The following VAV2 variants were observed in gnomAD, a reference collection of about 807,000 sequenced individuals.
VAV2 encodes the protein guanine nucleotide exchange factor VAV2.
Under a neutral mutation model 132.5 loss-of-function variants are expected in VAV2, and 67 were observed. That is an observed-to-expected ratio of 0.51 (90% CI 0.42 to 0.62). VAV2 has a LOEUF of 0.62. Ranked by LOEUF, VAV2 falls within the 20% of genes least tolerant of loss-of-function variation. The probability of loss-of-function intolerance (pLI) is 0.00; values close to 1 mark genes in which losing one functional copy is unlikely to be tolerated. For synonymous variants in VAV2, 492 were observed against 443.5 expected (o/e 1.11, Z -1.37); for missense variants, 938 against 1,153.6 (o/e 0.81, Z 2.71).
At chr9:133,890,648 G>A (rs1297815770) in intron 2 of VAV2, among the ~76,000 whole-genome samples, 2 of 152,092 alleles carry the variant, frequency 1.3e-5, no homozygotes, top group African/African-American at 2.4e-5. Context: ...CCAGAACCAC[G>A]CTCTGGACAC....
intron 6 of VAV2, 99 bp downstream of exon 6, chr9:133,810,092 A>C: frequency 2.0e-6 from 3 of 1,524,310 alleles, no homozygotes; most frequent in Non-Finnish European, 1.8e-6. Flanking sequence ...TCCTGGGGGC[A>C]GGGTCCCGAG....
intron 1 of VAV2, among the ~76,000 whole-genome samples, chr9:133,967,113 G>C (rs114573762): frequency 0.013 from 1,914 of 148,516 alleles, 33 homozygotes; most frequent in African/African-American, 0.044. Context: ...CTGTTATTAA[G>C]ACATTTCTCA....
chr9:133,777,388 C>T lies in VAV2; in HGVS notation c.1965+1G>A, dbSNP rs1157372678. ...AGAAGCTTCTGTGGGAAAGGACTCACCCTTCCATCCACAGGGCAGGGCTTC... is the reference window on the plus strand; with the variant it reads ...AGAAGCTTCTGTGGGAAAGGACTCATCCTTCCATCCACAGGGCAGGGCTTC... On this transcript the variant is annotated splice_donor_variant, in intron 23 of 29. Transcript: ENST00000371850. LOFTEE classifies it high-confidence loss of function. 1 of 1,613,710 alleles carries T rather than the reference C, an allele frequency of 6.2e-7. No individual in the cohort carries two copies. Among genetic ancestry groups the T allele is most frequent in the South Asian group, 1.1e-5 (1 of 91,066 alleles).
rs1307668621 is a variant in VAV2, at chr9:133,935,211, C to G, written c.321+3892G>C. Reference sequence around the variant, plus strand: ...CCGAGCTCATTTGGAATGGCCAGGGCGTCCCAACTGGGCTGAGCTCATGAA... The same window carrying G: ...CCGAGCTCATTTGGAATGGCCAGGGGGTCCCAACTGGGCTGAGCTCATGAA... On this transcript the variant is annotated intron_variant, in intron 2 of 29. Transcript: ENST00000371850. The surrounding 1 kb of genome is among the most constrained non-coding windows in gnomAD (Gnocchi z 5.2). Among the ~76,000 whole-genome samples the G allele has an allele frequency of 1.3e-5, 2 of 152,172 alleles. No individual in the cohort carries two copies. The highest frequency in any genetic ancestry group is 3.8e-4 in the East Asian group (2 of 5,198).
At chr9:133,950,727 G>A (rs970225545) in intron 1 of VAV2, among the ~76,000 whole-genome samples, 5 of 152,118 alleles carry the variant, frequency 3.3e-5, no homozygotes, top group African/African-American at 1.2e-4. Context: ...TCGGCCCTCC[G>A]GGTTGCTCTC....
intron 4 of VAV2, among the ~76,000 whole-genome samples, chr9:133,831,488 C>T (rs1289749182): frequency 6.6e-6 from 1 of 152,044 alleles, no homozygotes; most frequent in Non-Finnish European, 1.5e-5. Flanking sequence ...TGGGATCTAG[C>T]CTGACTCTCC....
intron 1 of VAV2, among the ~76,000 whole-genome samples, chr9:133,975,815 T>C (rs1227461825): frequency 1.3e-5 from 2 of 152,114 alleles, no homozygotes; most frequent in African/African-American, 4.8e-5. Flanking sequence ...AATAGAACTT[T>C]CAATATTTGT....
rs933851165 is a variant in VAV2, at chr9:133,928,146, A to C, written c.321+10957T>G. Among the ~76,000 whole-genome samples the C allele has an allele frequency of 9.3e-5, 14 of 151,226 alleles. No individual in the cohort carries two copies. Among genetic ancestry groups the C allele is most frequent in the African/African-American group, 2.9e-4 (12 of 41,244 alleles). ...ATCCCCAGTTATAAAACGGCGGGTC[A>C]GCATCCGATGGGCTTACCGACTCCG... On this transcript the variant is annotated intron_variant, in intron 2 of 29. Coordinates refer to ENST00000371850, the MANE Select transcript of VAV2 (RefSeq NM_001134398.2). The surrounding 1 kb of genome is among the most constrained non-coding windows in gnomAD (Gnocchi z 5.4).
In VAV2 at chr9:133,785,811, C is replaced by T; in HGVS notation, c.1497G>A (p.Met499Ile). Residue 499 changes from methionine (M) to isoleucine (I), a missense_variant, in exon 17 of 30, where the codon ATG becomes ATA. Met to Ile is a conservative substitution (Grantham distance 10). Coordinates refer to ENST00000371850, the MANE Select transcript of VAV2 (RefSeq NM_001134398.2). ...CAAACTGCTCCATCCACTTCCTCTT[C>T]ATATCTTCTGTTTTGCAGAAAAACT... ...GFQFFCKTED[M>I]KRKWMEQFEM... 1 of 1,614,070 alleles carries T rather than the reference C, an allele frequency of 6.2e-7. No homozygotes were observed. Among genetic ancestry groups the T allele is most frequent in the Non-Finnish European group, 8.5e-7 (1 of 1,180,004 alleles).
rs138128275 is a variant in VAV2, at chr9:133,824,828, G to A, written c.449+9444C>T. Among the ~76,000 whole-genome samples the A allele has an allele frequency of 0.016, 2,383 of 152,312 alleles. 36 individuals are homozygous for A. Among genetic ancestry groups the A allele is most frequent in the Middle Eastern group, 0.02 (6 of 294 alleles). On this transcript the variant is annotated intron_variant, in intron 4 of 29. Coordinates refer to ENST00000371850, the MANE Select transcript of VAV2 (RefSeq NM_001134398.2). This position sits in a 1 kb window ranked among gnomAD's most constrained non-coding sequence, Gnocchi z 5.2. Reference sequence around the variant, plus strand: ...CCCTAGTTCTGTACGACTCTGACCAGGTGCCTTCCTCTCTCAGAGCCCCGT... The same window carrying A: ...CCCTAGTTCTGTACGACTCTGACCAAGTGCCTTCCTCTCTCAGAGCCCCGT...
chr9:133,896,220 C>T (rs528169524), intron 2 of VAV2, among the ~76,000 whole-genome samples: 152 of 152,258 alleles, frequency 1.0e-3, no homozygotes, highest in South Asian at 1.2e-3. Context: ...TTTGGGAGCG[C>T]GAGGCATGCG....
chr9:133,788,484 T>C lies in VAV2; in HGVS notation c.1277A>G (p.Tyr426Cys). ...SIVNHTKQDRYLFLFDKVVIV... is the reference protein window; with the variant it reads ...SIVNHTKQDRCLFLFDKVVIV... The stretch of plus-strand genomic sequence containing the variant: ...GACCACCTTGTCAAACAGGAACAAG[T>C]ACCTGGGCCAGGCAGCGCAGCGGGG... The change falls in exon 15 of 30, where the codon TAC (tyrosine) becomes TGC (cysteine). Residue 426 changes from tyrosine (Y) to cysteine (C), a missense_variant and splice_region_variant. Transcript: ENST00000371850. This position sits in a 1 kb window ranked among gnomAD's most constrained non-coding sequence, Gnocchi z 5.3. 1 of 1,606,948 alleles carries C rather than the reference T, an allele frequency of 6.2e-7. No individual in the cohort carries two copies. The highest frequency in any genetic ancestry group is 8.5e-7 in the Non-Finnish European group (1 of 1,174,202).
chr9:133,956,207 G>A (rs769880977), intron 1 of VAV2, among the ~76,000 whole-genome samples: 12 of 152,062 alleles, frequency 7.9e-5, no homozygotes, highest in Non-Finnish European at 1.8e-4. Context: ...GAGGGAAGGG[G>A]GTTCTGACAA....
intron 9 of VAV2, among the ~76,000 whole-genome samples, chr9:133,798,225 C>T (rs1408896497): frequency 1.3e-5 from 2 of 152,228 alleles, no homozygotes; most frequent in Non-Finnish European, 2.9e-5. Flanking sequence ...GCACCGAGGC[C>T]TGCACTGGCT....
At chr9:133,830,530 A>T (rs1221330659) in intron 4 of VAV2, among the ~76,000 whole-genome samples, 1 of 152,140 alleles carries the variant, frequency 6.6e-6, no homozygotes, top group Non-Finnish European at 1.5e-5. Flanking sequence ...CTGCCATGTG[A>T]AGAAAAGCGT....
intron 2 of VAV2, among the ~76,000 whole-genome samples, chr9:133,917,458 G>GTTC (rs1840137653): frequency 1.1e-4 from 12 of 112,484 alleles, no homozygotes; most frequent in Admixed American, 1.7e-4. Context: ...TTTTTTTTTG[G>GTTC]CTAGAAGGGT....
chr9:133,842,838 C>T (rs1391399844), intron 3 of VAV2, among the ~76,000 whole-genome samples: 1 of 152,224 alleles, frequency 6.6e-6, no homozygotes, highest in African/African-American at 2.4e-5. Context: ...GGCCCTAGCC[C>T]TTTTGGCACT....
rs1281558269 is a variant in VAV2 at position 133,840,224 on chromosome 9, T to C, written c.381-5884A>G. ...ACCAGAGCCTTCCTGAGCATGCATT[T>C]CCTCGTGCCCGGCTTCGGGAAGCAG... is the stretch of plus-strand genomic sequence containing the variant. On this transcript the variant is annotated intron_variant, in intron 3 of 29. Coordinates refer to ENST00000371850, the MANE Select transcript of VAV2 (RefSeq NM_001134398.2). The surrounding 1 kb of genome is among the most constrained non-coding windows in gnomAD (Gnocchi z 4.5). Among the ~76,000 whole-genome samples the C allele has an allele frequency of 2.0e-5, 3 of 152,182 alleles. No homozygotes were observed. Among genetic ancestry groups the C allele is most frequent in the African/African-American group, 7.2e-5 (3 of 41,442 alleles).
intron 1 of VAV2, among the ~76,000 whole-genome samples, chr9:133,990,947 G>A (rs1292845349): frequency 6.6e-6 from 1 of 152,068 alleles, no homozygotes; most frequent in Non-Finnish European, 1.5e-5. Flanking sequence ...CCCCCAACCC[G>A]GCAGAGAAAG....
Sources: allele counts gnomAD v4.1 joint callset (sites outside exome capture counted in the v4.1 genomes callset), GRCh38; gene constraint gnomAD v4.1.1; non-coding constraint Gnocchi (gnomAD v3.1); transcripts MANE v1.5; gene names NCBI Gene and HGNC (gene_info 2026-07-23, HGNC 2026-07-21).